UXS1: variants seen among roughly 807,000 people sequenced by gnomAD.
UXS1 encodes the protein UDP-glucuronate decarboxylase 1.
In UXS1, 33 loss-of-function variants were observed where a neutral mutation model predicts 62.6. The ratio of observed to expected loss-of-function variants is 0.53; its 90% CI spans 0.40 to 0.70. The LOEUF (loss-of-function observed/expected upper bound fraction) is 0.70, where lower values mean the gene tolerates loss of function less well. UXS1 is among the 30% of genes least tolerant of loss of function. UXS1 has a pLI of 0.00. For synonymous variants in UXS1, 213 were observed against 206.8 expected (o/e 1.03, Z -0.26); for missense variants, 434 against 556.3 (o/e 0.78, Z 2.21).
intron 6 of UXS1, among the ~76,000 whole-genome samples, chr2:106,140,429 T>C (rs547084195): frequency 4.5e-4 from 69 of 152,360 alleles, no homozygotes; most frequent in Non-Finnish European, 5.4e-4. Flanking sequence ...AACAAAAATA[T>C]TCTAATCAGA....
chr2:106,120,518 T>C (rs1377817408), intron 9 of UXS1, among the ~76,000 whole-genome samples: 1 of 152,198 alleles, frequency 6.6e-6, no homozygotes, highest in African/African-American at 2.4e-5. Context: ...GTGCCATTTC[T>C]CACCTGGGCA....
chr2:106,178,702 G>A (rs1213822988), intron 1 of UXS1, among the ~76,000 whole-genome samples: 2 of 152,216 alleles, frequency 1.3e-5, no homozygotes, highest in African/African-American at 2.4e-5. Flanking sequence ...TAGGGCCCAT[G>A]GGGCACACCC....
At chr2:106,157,654 G>A (rs1682546874) in intron 5 of UXS1, among the ~76,000 whole-genome samples, 1 of 152,240 alleles carries the variant, frequency 6.6e-6, no homozygotes, top group South Asian at 2.1e-4. Context: ...GAAACAGTAT[G>A]TGGTACACCC....
chr2:106,184,359 C>G (rs1684430213), intron 1 of UXS1, among the ~76,000 whole-genome samples: 1 of 152,198 alleles, frequency 6.6e-6, no homozygotes, highest in South Asian at 2.1e-4. Flanking sequence ...CATGAAGAAT[C>G]TGGTAACTGG....
intron 10 of UXS1, among the ~76,000 whole-genome samples, chr2:106,112,105 T>C (rs1412898772): frequency 3.9e-5 from 6 of 152,182 alleles, no homozygotes; most frequent in Non-Finnish European, 8.8e-5. Flanking sequence ...AAGCAGTCAG[T>C]GTCGGCACAG....
At chr2:106,104,772 G>T in intron 11 of UXS1, 22 bp downstream of exon 11, 7 of 1,613,922 alleles carry the variant, frequency 4.3e-6, no homozygotes, top group Non-Finnish European at 5.9e-6. Context: ...GCTAAGGCTG[G>T]GGCAGGGCAG....
At chr2:106,123,940 G>A (rs1400901526) in intron 8 of UXS1, among the ~76,000 whole-genome samples, 1 of 152,162 alleles carries the variant, frequency 6.6e-6, no homozygotes, top group Non-Finnish European at 1.5e-5. Flanking sequence ...GACTCAGTGG[G>A]CCTGAGCAGG....
intron 5 of UXS1, among the ~76,000 whole-genome samples, chr2:106,147,005 T>C (rs1049572184): frequency 1.3e-5 from 2 of 151,282 alleles, no homozygotes; most frequent in African/African-American, 4.9e-5. Context: ...ATACAAAAAT[T>C]AGCTACACGC....
chr2:106,145,465 A>T (rs545264035), intron 5 of UXS1, 95 bp from the exon 6 acceptor site: 2 of 1,424,400 alleles, frequency 1.4e-6, no homozygotes, highest in Non-Finnish European at 1.9e-6. Context: ...TGGTGCAGCC[A>T]CGACTTAAAA....
At chr2:106,173,519 A>G (rs1250338139) in intron 1 of UXS1, among the ~76,000 whole-genome samples, 5 of 152,144 alleles carry the variant, frequency 3.3e-5, no homozygotes, top group Non-Finnish European at 7.4e-5. Flanking sequence ...ACACTGCTGC[A>G]CCCCAGCCCA....
rs759420032 is a variant in UXS1 at position 106,098,808 on chromosome 2, T to C, written c.985-35A>G. On this transcript the variant is annotated intron_variant, in intron 12 of 14. Coordinates refer to ENST00000283148, the MANE Select transcript of UXS1 (RefSeq NM_001253875.2). ...AAACGGTTTCCAGTTATAAGCGTCATGACAACAGCAGCAATCCACCACCCA... is the reference window on the plus strand; with the variant it reads ...AAACGGTTTCCAGTTATAAGCGTCACGACAACAGCAGCAATCCACCACCCA... 5.0e-6 allele frequency: 8 copies of C among 1,593,118 alleles called. No homozygotes were observed. In the East Asian group the frequency reaches 1.3e-4, roughly 27 times the overall value.
At chr2:106,112,892 G>T in intron 9 of UXS1, 127 bp from the exon 10 acceptor site, 2 of 1,413,514 alleles carry the variant, frequency 1.4e-6, no homozygotes, top group Non-Finnish European at 1.9e-6. Context: ...AAATGGAAAT[G>T]GCTTTTTTGT....
At chr2:106,171,062 G>T (rs1436152734) in intron 1 of UXS1, among the ~76,000 whole-genome samples, 1 of 152,158 alleles carries the variant, frequency 6.6e-6, no homozygotes, top group African/African-American at 2.4e-5. Context: ...CAGCTTTCAA[G>T]ATATTTTAAT....
intron 5 of UXS1, among the ~76,000 whole-genome samples, chr2:106,155,875 G>T (rs1375511660): frequency 6.6e-6 from 1 of 152,118 alleles, no homozygotes; most frequent in Non-Finnish European, 1.5e-5. Context: ...AAAGAATGAT[G>T]ACCTAATACC....
Position 106,187,440 on chromosome 2 carries a change from T to C in UXS1, c.94+6708A>G, listed in dbSNP as rs569711740. On this transcript the variant is annotated intron_variant, in intron 1 of 14. Transcript: ENST00000283148. Reference sequence around the variant, plus strand: ...CCTCCAAGGCAGAGGCTAACAATTGTGTCCCGAATGAATTTATGAGGGCAA... The same window carrying C: ...CCTCCAAGGCAGAGGCTAACAATTGCGTCCCGAATGAATTTATGAGGGCAA... Among the ~76,000 whole-genome samples, 3 of 152,302 alleles carry C rather than the reference T, an allele frequency of 2.0e-5. No homozygotes were observed. The South Asian group carries it at 6.2e-4, about 32-fold the overall frequency.
chr2:106,101,215 C>T, intron 11 of UXS1, 97 bp from the exon 12 acceptor site: 2 of 1,316,672 alleles, frequency 1.5e-6, no homozygotes. Context: ...ATTACCACCC[C>T]CAGGAGAAAA....
intron 1 of UXS1, among the ~76,000 whole-genome samples, chr2:106,177,349 C>T (rs1013201535): frequency 6.6e-6 from 1 of 152,042 alleles, no homozygotes; most frequent in South Asian, 2.1e-4. Flanking sequence ...TTGCGTGCTA[C>T]CACACCTGGC....
chr2:106,166,523 A>G (rs902963162), intron 1 of UXS1: 1 of 158,688 alleles, frequency 6.3e-6, no homozygotes, highest in Admixed American at 6.5e-5. Context: ...CCTTTAAAGA[A>G]CCGGCCCTGG....
intron 9 of UXS1, among the ~76,000 whole-genome samples, chr2:106,122,652 T>C (rs1013607508): frequency 7.2e-5 from 11 of 152,238 alleles, no homozygotes; most frequent in African/African-American, 2.4e-4. Context: ...AGAAGATCCA[T>C]TGATTTGGAG....
Sources: allele counts gnomAD v4.1 joint callset (sites outside exome capture counted in the v4.1 genomes callset), GRCh38; gene constraint gnomAD v4.1.1; transcripts MANE v1.5; gene names NCBI Gene and HGNC (gene_info 2026-07-23, HGNC 2026-07-21).